The following SYDE2 variants were observed in gnomAD, a reference collection of about 807,000 sequenced individuals.
SYDE2 encodes the protein rho GTPase-activating protein SYDE2.
Under a neutral mutation model 91.5 loss-of-function variants are expected in SYDE2, and 76 were observed. The ratio of observed to expected loss-of-function variants is 0.83; its 90% confidence interval spans 0.69 to 1.01. The LOEUF is 1.01. SYDE2 is among the 50% of genes least tolerant of loss of function. The pLI is 0.00. For synonymous variants in SYDE2, 513 were observed against 506.4 expected, an observed-to-expected ratio of 1.01 and a Z score of -0.18; for missense variants, 1,364 against 1,367.7, an observed-to-expected ratio of 1.00 and a Z score of 0.04.
chr1:85,163,739 G>A (rs925310062), intron 6 of SYDE2, among the ~76,000 whole-genome samples: 1 of 151,982 alleles, frequency 6.6e-6, no homozygotes, highest in East Asian at 1.9e-4. Flanking sequence ...AAACACCAAA[G>A]TACTTCACAC....
chr1:85,171,524 G>A (rs1368159103), intron 4 of SYDE2, among the ~76,000 whole-genome samples: 1 of 152,102 alleles, frequency 6.6e-6, no homozygotes, highest in African/African-American at 2.4e-5. Context: ...GTTAAATATT[G>A]CAGAGAACAG....
rs1658806261 is a variant in SYDE2 at position 85,200,865 on chromosome 1, G to T, written c.132C>A (p.Pro44=). Reference sequence around the variant, plus strand: ...CGCCGCCTCCCCGCTCCCCGTCCCGGGGGCAGGCTCGGCGGTACGCGGCGC... The same window carrying T: ...CGCCGCCTCCCCGCTCCCCGTCCCGTGGGCAGGCTCGGCGGTACGCGGCGC... ...SRGAAYRRAC[P]RDGERGGGGR... Residue 44 remains proline, a synonymous_variant, in exon 1 of 7, where the codon CCC becomes CCA. Transcript: ENST00000341460. 1 of 1,364,802 alleles carries T rather than the reference G, an allele frequency of 7.3e-7. No individual in the cohort carries two copies. Among genetic ancestry groups the T allele is most frequent in the South Asian group, 1.8e-5 (1 of 55,266 alleles). The allele number at this position is 1,364,802 out of a possible 1,614,324, so 84.5% of individuals were successfully genotyped here.
chr1:85,196,869 T>G (rs1372474498), intron 1 of SYDE2, among the ~76,000 whole-genome samples: 1 of 152,178 alleles, frequency 6.6e-6, no homozygotes. Flanking sequence ...TGGTTAAAGA[T>G]CATACCAAAC....
chr1:85,196,141 C>G (rs1360614475), intron 1 of SYDE2, among the ~76,000 whole-genome samples: 2 of 152,162 alleles, frequency 1.3e-5, no homozygotes, highest in Admixed American at 1.3e-4. Context: ...TATATTAATT[C>G]ATATACATAA....
chr1:85,163,237 G>A (rs1314194427), intron 6 of SYDE2, among the ~76,000 whole-genome samples: 1 of 150,824 alleles, frequency 6.6e-6, no homozygotes, highest in Non-Finnish European at 1.5e-5. Flanking sequence ...CTCCCAAGTA[G>A]CTGGGACTAC....
At chr1:85,180,796 T>C (rs1477264329) in intron 3 of SYDE2, among the ~76,000 whole-genome samples, 1 of 152,154 alleles carries the variant, frequency 6.6e-6, no homozygotes, top group Non-Finnish European at 1.5e-5. Context: ...TCTTTCTAAA[T>C]ATTTCAGAAA....
At chr1:85,192,253 T>A (rs1216367749) in intron 1 of SYDE2, among the ~76,000 whole-genome samples, 1 of 151,754 alleles carries the variant, frequency 6.6e-6, no homozygotes, top group East Asian at 1.9e-4. Flanking sequence ...ACAAAAAATT[T>A]AAAAATTAGC....
At chr1:85,154,551 T>C (rs910022571), downstream of SYDE2, among the ~76,000 whole-genome samples, 1 of 149,906 alleles carries the variant, frequency 6.7e-6, no homozygotes, top group African/African-American at 2.5e-5. Context: ...ATAACTACTA[T>C]ATTAACAACA....
intron 1 of SYDE2, among the ~76,000 whole-genome samples, chr1:85,196,168 GC>G (rs1658578154): frequency 6.6e-6 from 1 of 152,172 alleles, no homozygotes; most frequent in Admixed American, 6.6e-5. Context: ...AGCAAAAAGA[GC>G]CCAAGTGCTT....
At position 85,190,404 on chromosome 1, in the gene SYDE2, T is replaced by G. The variant is rs375072256; in HGVS notation, c.1094A>C (p.Asp365Ala). Residue 365 changes from aspartate to alanine, a missense_variant, in exon 2 of 7, where the codon GAT becomes GCT. Asp to Ala is a moderately radical substitution (Grantham distance 126, BLOSUM62 -2). Transcript: ENST00000341460. ...ALDFNEENDA[D>A]DEGEIWYNPI... The stretch of plus-strand genomic sequence containing the variant: ...ATTGTACCATATTTCTCCTTCATCA[T>G]CTGCATCATTTTCCTCATTAAAATC... 1.9e-6 allele frequency: 3 copies of G among 1,613,882 alleles called. No homozygotes were observed. The highest frequency in any genetic ancestry group is 2.5e-6 in the Non-Finnish European group (3 of 1,179,830).
chr1:85,183,297 G>C (rs1156837773), intron 2 of SYDE2, 97 bp from the exon 3 acceptor site: 3 of 1,132,302 alleles, frequency 2.6e-6, no homozygotes, highest in Non-Finnish European at 3.6e-6. Flanking sequence ...CTTTCACATA[G>C]GCAGAAATTC....
chr1:85,186,487 C>G (rs1658144525), intron 2 of SYDE2, among the ~76,000 whole-genome samples: 1 of 152,108 alleles, frequency 6.6e-6, no homozygotes, highest in Admixed American at 6.6e-5. Flanking sequence ...CTACCAATGA[C>G]TTTCTTCATG....
At chr1:85,194,961 C>T (rs1401213319) in intron 1 of SYDE2, 1 of 313,226 alleles carries the variant, frequency 3.2e-6, no homozygotes, top group Non-Finnish European at 4.6e-6. Context: ...GAGATCGAGA[C>T]CATCCTGGCT....
downstream of SYDE2, chr1:85,153,997 C>T (rs568825601): frequency 1.3e-5 from 2 of 152,228 alleles, no homozygotes; most frequent in East Asian, 3.9e-4. Flanking sequence ...CCATTTCAGG[C>T]TGAGGCAGAA....
At chr1:85,166,779 C>A (rs1271898077) in intron 5 of SYDE2, among the ~76,000 whole-genome samples, 1 of 152,106 alleles carries the variant, frequency 6.6e-6, no homozygotes, top group Admixed American at 6.5e-5. Flanking sequence ...TAATTGTGAT[C>A]ATACACACAC....
At position 85,163,756 on chromosome 1, in the gene SYDE2, C is replaced by T. The variant is rs75217144; in HGVS notation, c.3085+770G>A. On this transcript the variant is annotated intron_variant, in intron 6 of 6. Coordinates refer to ENST00000341460, the MANE Select transcript of SYDE2 (RefSeq NM_032184.2). ...ACACCAAAGTACTTCACACTTGGTC[C>T]CATGCAGTGTGGGGTGAGAGTAGCA... 3.3e-3 allele frequency among the ~76,000 whole-genome samples: 507 copies of T among 152,024 alleles called. 2 individuals carry two copies. The highest frequency in any genetic ancestry group is 0.012 in the African/African-American group (488 of 41,466).
intron 2 of SYDE2, 111 bp downstream of exon 2, chr1:85,189,946 A>C: frequency 2.3e-6 from 2 of 876,706 alleles, no homozygotes; most frequent in Non-Finnish European, 3.4e-6. Flanking sequence ...TATTCACTTC[A>C]CAAGAAAAAG....
intron 1 of SYDE2, among the ~76,000 whole-genome samples, chr1:85,196,871 A>G (rs1658605688): frequency 1.3e-5 from 2 of 152,218 alleles, no homozygotes; most frequent in Non-Finnish European, 2.9e-5. Context: ...GTTAAAGATC[A>G]TACCAAACTA....
chr1:85,164,254 G>C (rs1300889442), intron 6 of SYDE2, among the ~76,000 whole-genome samples: 1 of 152,046 alleles, frequency 6.6e-6, no homozygotes, highest in African/African-American at 2.4e-5. Flanking sequence ...ACCAACCCAA[G>C]GTCAGATTGC....
Sources: gnomAD v4.1 joint callset for allele counts (sites outside exome capture counted in the v4.1 genomes callset) on GRCh38, gnomAD v4.1.1 for gene constraint, MANE v1.5 for transcripts, NCBI Gene and HGNC (gene_info 2026-07-23, HGNC 2026-07-21) for gene names.